Variants in TNIK observed in about 807,000 individuals in gnomAD.
The protein encoded by TNIK is TRAF2 and NCK-interacting protein kinase.
In TNIK, 49 loss-of-function variants were observed where a neutral mutation model predicts 191.3. The observed-to-expected ratio is 0.26, with a 90% CI of 0.20 to 0.32. TNIK has a LOEUF of 0.32. TNIK is among the 10% of genes least tolerant of loss of function. The pLI, the probability that TNIK is intolerant of heterozygous loss-of-function variation, is 1.00. For missense variants in TNIK, 1,155 were observed against 1,702.3 expected (o/e 0.68, Z 5.66); for synonymous variants, 594 against 600.9 (o/e 0.99, Z 0.17).
At chr3:171,313,429 G>A (rs1441020208) in intron 2 of TNIK, among the ~76,000 whole-genome samples, 1 of 152,016 alleles carries the variant, frequency 6.6e-6, no homozygotes, top group Non-Finnish European at 1.5e-5. Flanking sequence ...CAGAATGAGT[G>A]GCAGAGAGGG....
chr3:171,225,760 CAG>C (rs1369238652), intron 3 of TNIK: 1 of 377,784 alleles, frequency 2.6e-6, no homozygotes, highest in East Asian at 7.3e-5. Flanking sequence ...TTAAATTGTT[CAG>C]AGTCATACTT....
At chr3:171,267,362 C>T (rs1221128888) in intron 2 of TNIK, among the ~76,000 whole-genome samples, 1 of 152,138 alleles carries the variant, frequency 6.6e-6, no homozygotes, top group East Asian at 1.9e-4. Context: ...AAGTAAAGGG[C>T]CAGTCTCTTC....
At chr3:171,425,520 T>A (rs1209836395) in intron 1 of TNIK, among the ~76,000 whole-genome samples, 1 of 152,142 alleles carries the variant, frequency 6.6e-6, no homozygotes, top group African/African-American at 2.4e-5. Flanking sequence ...CAATGTGGAT[T>A]CTATTTGTCC....
At chr3:171,345,555 C>CAA (rs1306661370) in intron 2 of TNIK, among the ~76,000 whole-genome samples, 1 of 150,210 alleles carries the variant, frequency 6.7e-6, no homozygotes. Flanking sequence ...AATAGACTGT[C>CAA]AAGAGCTGCA....
In TNIK at chr3:171,385,349, C is replaced by T. The variant is rs116563594; in HGVS notation, c.58-15664G>A. On this transcript the variant is annotated intron_variant, in intron 1 of 32. Transcript: ENST00000436636. ...AGAGAGAAATCAGAAGGGAGTCTCA[C>T]GACTGTCAGGGCAGAGGCCTGAGAC... Among the ~76,000 whole-genome samples, 229 of 152,144 alleles carry T rather than the reference C, an allele frequency of 1.5e-3. 1 individual carries two copies. Among genetic ancestry groups the T allele is most frequent in the African/African-American group, 5.1e-3 (213 of 41,510 alleles).
intron 2 of TNIK, among the ~76,000 whole-genome samples, chr3:171,309,338 G>C (rs1361216794): frequency 6.6e-6 from 1 of 152,074 alleles, no homozygotes. Context: ...CTTAATAAGT[G>C]AGAGCTAAAC....
intron 2 of TNIK, among the ~76,000 whole-genome samples, chr3:171,307,530 G>A (rs189407681): frequency 1.3e-4 from 20 of 152,214 alleles, no homozygotes; most frequent in Non-Finnish European, 2.5e-4. Flanking sequence ...ATTGAATTTC[G>A]TTCTTTGTTG....
In TNIK at chr3:171,068,868, C is replaced by A; in HGVS notation, c.3679G>T (p.Asp1227Tyr). The A allele has an allele frequency of 6.2e-7, 1 of 1,613,656 alleles. No individual in the cohort carries two copies. The highest frequency in any genetic ancestry group is 8.5e-7 in the Non-Finnish European group (1 of 1,179,730). Residue 1227 changes from aspartate to tyrosine, a missense_variant, in exon 30 of 33, where the codon GAT (aspartate) becomes TAT (tyrosine). Around this residue, in one of 3 missense-constraint regions of TNIK, gnomAD observed 195 missense variants for 415.4 expected, o/e 0.47. Transcript: ENST00000436636. ...VIDVDSGNSY[D>Y]IYIPSHIQGN... ...CTTACATGAGATGGTATGTAGATAT[C>A]ATAAGAGTTTCCTGAATCAACATCA...
rs140419907 is a variant in TNIK, at chr3:171,222,467, C to T, written c.180+5698G>A. The stretch of plus-strand genomic sequence containing the variant: ...ACAATCAGTATTAGCCCCTTTTTGG[C>T]CTGTGCCTATCGTCATTATTATTAT... On this transcript the variant is annotated intron_variant, in intron 3 of 32. Transcript: ENST00000436636. Among the ~76,000 whole-genome samples the T allele has an allele frequency of 1.0e-3, 157 of 152,158 alleles. 2 individuals carry two copies. The highest frequency in any genetic ancestry group is 3.5e-3 in the African/African-American group (145 of 41,532).
intron 2 of TNIK, among the ~76,000 whole-genome samples, chr3:171,329,813 A>T (rs1756212651): frequency 6.6e-6 from 1 of 152,204 alleles, no homozygotes; most frequent in Admixed American, 6.5e-5. Flanking sequence ...CAAGGAGCTG[A>T]TCCTGCAAAG....
At chr3:171,168,090 C>A (rs1734830723) in intron 9 of TNIK, among the ~76,000 whole-genome samples, 1 of 152,178 alleles carries the variant, frequency 6.6e-6, no homozygotes, top group Non-Finnish European at 1.5e-5. Context: ...GCGAGAGATA[C>A]CATACCTACG....
chr3:171,317,795 C>T (rs2108322278), intron 2 of TNIK, among the ~76,000 whole-genome samples: 1 of 152,260 alleles, frequency 6.6e-6, no homozygotes, highest in East Asian at 1.9e-4. Context: ...CAGGTCCTAG[C>T]ACGTAGTTGT....
intron 2 of TNIK, among the ~76,000 whole-genome samples, chr3:171,240,070 C>T (rs547793971): frequency 2.4e-4 from 36 of 152,234 alleles, no homozygotes; most frequent in East Asian, 3.9e-4. Flanking sequence ...AATTTAGCTG[C>T]GATCCAACTG....
intron 2 of TNIK, among the ~76,000 whole-genome samples, chr3:171,272,584 A>T (rs932286785): frequency 1.3e-5 from 2 of 152,256 alleles, no homozygotes; most frequent in East Asian, 3.9e-4. Context: ...CCTGTCTTCA[A>T]ATTCACAGAT....
At chr3:171,085,037 A>C in intron 25 of TNIK, 81 bp downstream of exon 25, 1 of 1,152,230 alleles carries the variant, frequency 8.7e-7, no homozygotes, top group Non-Finnish European at 1.2e-6. Context: ...TAACTACTGA[A>C]CTGAGGATTA....
At chr3:171,071,530 G>A (rs1014030166) in intron 28 of TNIK, 4 of 517,686 alleles carry the variant, frequency 7.7e-6, no homozygotes, top group African/African-American at 1.9e-5. Context: ...GAATACTTAT[G>A]GCTTTTGCTT....
intron 31 of TNIK, 113 bp from the exon 32 acceptor site, chr3:171,066,439 A>G: frequency 6.4e-7 from 1 of 1,565,006 alleles, no homozygotes; most frequent in East Asian, 2.3e-5. Context: ...TAAATGGACA[A>G]AGCAAGTCTT....
chr3:171,234,940 A>C (rs1243208451), intron 2 of TNIK, among the ~76,000 whole-genome samples: 1 of 152,242 alleles, frequency 6.6e-6, no homozygotes, highest in Non-Finnish European at 1.5e-5. Context: ...AAAAATGAGC[A>C]CAAAACCAAA....
intron 1 of TNIK, among the ~76,000 whole-genome samples, chr3:171,425,444 A>C (rs190337383): frequency 6.6e-6 from 1 of 152,184 alleles, no homozygotes; most frequent in African/African-American, 2.4e-5. Flanking sequence ...TTTACGTTTA[A>C]CTCTGTGAAG....
Sources: gnomAD v4.1 joint callset for allele counts (sites outside exome capture counted in the v4.1 genomes callset) on GRCh38, gnomAD v4.1.1 for gene constraint, gnomAD v4.1.1 regional missense constraint, MANE v1.5 for transcripts, NCBI Gene and HGNC (gene_info 2026-07-23, HGNC 2026-07-21) for gene names.